PRICKLE2: variants seen among roughly 807,000 people sequenced by gnomAD.
PRICKLE2 encodes the protein prickle planar cell polarity protein 2, also known as prickle-like protein 2.
Under a neutral mutation model 81.4 loss-of-function variants are expected in PRICKLE2, and 21 were observed. That is an observed-to-expected ratio of 0.26 (90% CI 0.18 to 0.37). The LOEUF (loss-of-function observed/expected upper bound fraction) is 0.37. Among genes scored for constraint, PRICKLE2 ranks in the 10% least tolerant of loss-of-function variants. PRICKLE2 has a pLI of 1.00. For missense variants in PRICKLE2, 940 were observed against 1,109.0 expected, an observed-to-expected ratio of 0.85 and a Z score of 2.16; for synonymous variants, 456 against 421.5, an observed-to-expected ratio of 1.08 and a Z score of -1.00.
At chr3:64,221,404 A>T (rs1393678146) in intron 1 of PRICKLE2, among the ~76,000 whole-genome samples, 1 of 149,272 alleles carries the variant, frequency 6.7e-6, no homozygotes, top group Non-Finnish European at 1.5e-5. Flanking sequence ...AGAGATCTTC[A>T]CCCCTGCTTG....
intron 1 of PRICKLE2, among the ~76,000 whole-genome samples, chr3:64,220,048 A>G (rs2078927612): frequency 1.3e-5 from 2 of 152,230 alleles, no homozygotes; most frequent in Admixed American, 6.5e-5. Flanking sequence ...CATAGACTAT[A>G]CACAGACACA....
chr3:64,160,406 G>T (rs148673927), intron 3 of PRICKLE2, among the ~76,000 whole-genome samples: 2 of 152,302 alleles, frequency 1.3e-5, no homozygotes, highest in East Asian at 1.9e-4. Flanking sequence ...TGGCTCAGCT[G>T]CCAGGAAAGA....
chr3:64,239,241 G>C (rs903452684), intron 2 of PRICKLE2, among the ~76,000 whole-genome samples: 1 of 152,132 alleles, frequency 6.6e-6, no homozygotes, highest in Non-Finnish European at 1.5e-5. Flanking sequence ...GAGCCCTGCT[G>C]GGGGGCGGGG....
chr3:64,144,982 C>G (rs1380237169), intron 7 of PRICKLE2, among the ~76,000 whole-genome samples: 1 of 152,080 alleles, frequency 6.6e-6, no homozygotes, highest in African/African-American at 2.4e-5. Context: ...CAGTGTTATC[C>G]TCAGATTCTG....
intron 7 of PRICKLE2, among the ~76,000 whole-genome samples, chr3:64,118,314 G>C (rs879204466): frequency 6.6e-6 from 1 of 152,164 alleles, no homozygotes; most frequent in African/African-American, 2.4e-5. Flanking sequence ...GACACCAAAA[G>C]CAATTGCGAC....
At chr3:64,140,380 G>T (rs704390) in intron 7 of PRICKLE2, among the ~76,000 whole-genome samples, 1 of 152,118 alleles carries the variant, frequency 6.6e-6, no homozygotes, top group African/African-American at 2.4e-5. Context: ...CAGAAACGTT[G>T]TTTCCCCTTC....
intron 1 of PRICKLE2, among the ~76,000 whole-genome samples, chr3:64,220,410 C>T (rs1476967688): frequency 6.6e-6 from 1 of 152,184 alleles, no homozygotes; most frequent in Non-Finnish European, 1.5e-5. Context: ...AAGTCAGCCA[C>T]CTATCACTCG....
At chr3:64,213,968 G>T (rs67905110) in intron 1 of PRICKLE2, among the ~76,000 whole-genome samples, 25,111 of 152,080 alleles carry the variant, frequency 0.17, 2,536 homozygotes, top group East Asian at 0.4. Flanking sequence ...CCTGTTCACA[G>T]AGAGGCCCCC....
At chr3:64,172,165 A>T (rs984563526) in intron 2 of PRICKLE2, among the ~76,000 whole-genome samples, 2 of 152,222 alleles carry the variant, frequency 1.3e-5, no homozygotes, top group South Asian at 4.1e-4. Context: ...TCTTGTGTTA[A>T]AGAAAAGGTT....
chr3:64,104,523 G>A (rs924081697), intron 7 of PRICKLE2: 1 of 152,230 alleles, frequency 6.6e-6, no homozygotes, highest in African/African-American at 2.4e-5. Flanking sequence ...CATCCTGCTT[G>A]TGAACAGATT....
intron 2 of PRICKLE2, among the ~76,000 whole-genome samples, chr3:64,251,414 C>G (rs1308853256): frequency 6.6e-6 from 1 of 152,212 alleles, no homozygotes; most frequent in Non-Finnish European, 1.5e-5. Context: ...ACAGTAGGCT[C>G]CTTACTGGTT....
chr3:64,099,231 G>T lies in PRICKLE2; in HGVS notation c.2355C>A (p.Asp785Glu). The T allele has an allele frequency of 3.1e-6, 5 of 1,614,204 alleles. No homozygotes were observed. The highest frequency in any genetic ancestry group is 4.2e-6 in the Non-Finnish European group (5 of 1,180,042). The part of the protein sequence containing the change: ...CSTCSSSSES[D>E]NEGYFLGEPI... ...GTTCTCCTAGGAAATAGCCCTCGTT[G>T]TCAGACTCTGAAGAGGAGGAGCAGG... is the stretch of plus-strand genomic sequence containing the variant. Residue 785 changes from aspartate to glutamate, a missense_variant, in exon 8 of 8, where the codon GAC becomes GAA. Around this residue, in one of 2 missense-constraint regions of PRICKLE2, gnomAD observed 670 missense variants for 717.2 expected, o/e 0.93. Transcript: ENST00000638394. The surrounding 1 kb of genome is among the most constrained non-coding windows in gnomAD (Gnocchi z 4.3).
At chr3:64,186,686 T>C (rs2078239993) in intron 2 of PRICKLE2, among the ~76,000 whole-genome samples, 1 of 152,158 alleles carries the variant, frequency 6.6e-6, no homozygotes, top group Non-Finnish European at 1.5e-5. Context: ...TAAACAACTG[T>C]TGAACGAATA....
intron 1 of PRICKLE2, among the ~76,000 whole-genome samples, chr3:64,204,201 GC>G (rs1284059773): frequency 6.6e-6 from 1 of 152,030 alleles, no homozygotes; most frequent in Non-Finnish European, 1.5e-5. Context: ...GTTAAAGGCA[GC>G]AAGTGCTACT....
Position 64,092,840 on chromosome 3 carries a change from G to T in PRICKLE2, c.*6211C>A, listed in dbSNP as rs1225364673. The T allele has an allele frequency of 6.6e-6, 1 of 152,166 alleles. No individual in the cohort carries two copies. Among genetic ancestry groups the T allele is most frequent in the East Asian group, 1.9e-4 (1 of 5,194 alleles). 9.4% of individuals were successfully genotyped at this position (152,166 alleles called of 1,614,324 possible). On this transcript the variant is annotated 3_prime_UTR_variant, in exon 8 of 8. Transcript: ENST00000638394. ...CAGTGGTTCTCAACAGGGAGACATT[G>T]ACAATGTGTGGAGACATTTTTAATT...
intron 2 of PRICKLE2, among the ~76,000 whole-genome samples, chr3:64,169,308 G>T (rs745520799): frequency 6.6e-6 from 1 of 152,104 alleles, no homozygotes; most frequent in African/African-American, 2.4e-5. Context: ...ATAGTAGGAC[G>T]GAAAGTTATG....
At chr3:64,227,897 T>C (rs2079051350), upstream of PRICKLE2, among the ~76,000 whole-genome samples, 3 of 152,158 alleles carry the variant, frequency 2.0e-5, 1 homozygote, top group South Asian at 6.2e-4. Context: ...GAGAAAGCGG[T>C]AAAGGGAAGA....
intron 2 of PRICKLE2, among the ~76,000 whole-genome samples, chr3:64,234,850 T>C (rs2079157717): frequency 6.6e-6 from 1 of 152,180 alleles, no homozygotes; most frequent in South Asian, 2.1e-4. Context: ...GGTGTTTGAG[T>C]GTGAATCTCT....
intron 1 of PRICKLE2, among the ~76,000 whole-genome samples, chr3:64,203,725 C>T (rs1002995392): frequency 6.6e-6 from 1 of 150,484 alleles, no homozygotes; most frequent in Non-Finnish European, 1.5e-5. Context: ...GGTCATTCAA[C>T]AAATAACTCG....
Sources: gnomAD v4.1 joint callset for allele counts (sites outside exome capture counted in the v4.1 genomes callset) on GRCh38, gnomAD v4.1.1 for gene constraint, gnomAD v4.1.1 regional missense constraint, Gnocchi (gnomAD v3.1) non-coding constraint, MANE v1.5 for transcripts, NCBI Gene and HGNC (gene_info 2026-07-23, HGNC 2026-07-21) for gene names.